Variants in RCBTB2 observed in about 807,000 individuals in gnomAD.
RCBTB2 encodes RCC1 and BTB domain containing protein 2, also known as RCC1 and BTB domain-containing protein 2.
Under a neutral mutation model 65.4 loss-of-function variants are expected in RCBTB2, and 55 were observed. The ratio of observed to expected loss-of-function variants is 0.84; its 90% CI spans 0.68 to 1.05. RCBTB2 has a LOEUF of 1.05. Among genes scored for constraint, RCBTB2 ranks in the 50% least tolerant of loss-of-function variants. RCBTB2 has a pLI of 0.00. For missense variants in RCBTB2, 599 were observed against 680.1 expected, an observed-to-expected ratio of 0.88 and a Z score of 1.33; for synonymous variants, 220 against 255.2, an observed-to-expected ratio of 0.86 and a Z score of 1.31.
At chr13:48,508,520 C>T (rs941163235) in intron 10 of RCBTB2, among the ~76,000 whole-genome samples, 12 of 151,930 alleles carry the variant, frequency 7.9e-5, no homozygotes, top group Non-Finnish European at 1.2e-4. Context: ...TCTCGTGCCT[C>T]AGCCTCCCAA....
At chr13:48,510,968 C>T (rs1009586292) in intron 9 of RCBTB2, among the ~76,000 whole-genome samples, 197 bp from the exon 10 acceptor site, 4 of 152,136 alleles carry the variant, frequency 2.6e-5, no homozygotes, top group African/African-American at 4.8e-5. Flanking sequence ...AGTACCCTGG[C>T]GTGAGCACCT....
upstream of RCBTB2, among the ~76,000 whole-genome samples, chr13:48,534,269 T>G (rs1238831355): frequency 6.6e-6 from 1 of 152,198 alleles, no homozygotes; most frequent in African/African-American, 2.4e-5. Context: ...ATGAAAGAAA[T>G]TTATGAGTTA....
At chr13:48,531,644 G>A (rs1302582022) in intron 1 of RCBTB2, among the ~76,000 whole-genome samples, 2 of 152,156 alleles carry the variant, frequency 1.3e-5, no homozygotes, top group East Asian at 3.8e-4. Flanking sequence ...GGTGGAAGTG[G>A]GGTATGCAAG....
In RCBTB2 at chr13:48,515,210, G is replaced by A; in HGVS notation, c.344C>T (p.Thr115Ile). The part of the protein sequence containing the change: ...YGSGPHIVLA[T>I]TEGEVFTWGH... ...ACATGGGGTTCCTAGGTTACCTGTT[G>A]TTGCAAGGACAATATGTGGACCACT... Residue 115 changes from threonine to isoleucine, a missense_variant, in exon 6 of 15, where the codon ACA becomes ATA. Thr to Ile is a moderately conservative substitution (Grantham distance 89). Transcript: ENST00000344532. 1 of 1,611,732 alleles carries A rather than the reference G, an allele frequency of 6.2e-7. No individual in the cohort carries two copies. The highest frequency in any genetic ancestry group is 8.5e-7 in the Non-Finnish European group (1 of 1,179,264).
chr13:48,516,565 T>A (rs1951103034), intron 4 of RCBTB2, among the ~76,000 whole-genome samples: 1 of 152,148 alleles, frequency 6.6e-6, no homozygotes, highest in African/African-American at 2.4e-5. Context: ...GCATCTAAAT[T>A]TCCCCTTTTT....
At chr13:48,522,237 A>T in intron 3 of RCBTB2, 71 bp downstream of exon 3, 1 of 1,029,824 alleles carries the variant, frequency 9.7e-7, no homozygotes, top group Non-Finnish European at 1.5e-6. Flanking sequence ...CCTTAACTCT[A>T]TAAAGGAAAT....
intron 1 of RCBTB2, among the ~76,000 whole-genome samples, chr13:48,526,996 T>C (rs2138642020): frequency 6.6e-6 from 1 of 152,236 alleles, no homozygotes; most frequent in East Asian, 1.9e-4. Context: ...TATACTATTG[T>C]ACCTGTAAGA....
Position 48,489,976 on chromosome 13 carries a change from C to T in RCBTB2, c.*135G>A. 1 of 942,740 alleles carries T rather than the reference C, an allele frequency of 1.1e-6. No homozygotes were observed. The highest frequency in any genetic ancestry group is 1.7e-6 in the Non-Finnish European group (1 of 598,748). The allele number at this position is 942,740 out of a possible 1,614,324, so 58.4% of individuals were successfully genotyped here. On this transcript the variant is annotated 3_prime_UTR_variant, in exon 15 of 15. Coordinates refer to ENST00000344532, the MANE Select transcript of RCBTB2 (RefSeq NM_001268.4). ...TTAGGCAGACAAAGACCACTCACCA[C>T]CATCCTTCTTCTGACAGTTACAAGT... is the stretch of plus-strand genomic sequence containing the variant.
In RCBTB2 at chr13:48,496,216, G is replaced by A. The variant is rs373552083; in HGVS notation, c.1490C>T (p.Ser497Leu). 11 of 1,564,074 alleles carry A rather than the reference G, an allele frequency of 7.0e-6. No individual in the cohort carries two copies. The highest frequency in any genetic ancestry group is 4.1e-5 in the African/African-American group (3 of 72,834). Residue 497 changes from serine (S) to leucine (L), a missense_variant, in exon 14 of 15, where the codon TCG becomes TTG. Ser to Leu is a moderately radical substitution (Grantham distance 145, BLOSUM62 -2). Coordinates refer to ENST00000344532, the MANE Select transcript of RCBTB2 (RefSeq NM_001268.4). Reference sequence around the variant, plus strand: ...CTGTGCATCATACTTCACCGCAGCCGAGAGCAGAGCGATGGCATTCTCCTC... The same window carrying A: ...CTGTGCATCATACTTCACCGCAGCCAAGAGCAGAGCGATGGCATTCTCCTC... ...ICEENAIALL[S>L]AAVKYDAQDL...
chr13:48,533,191 CAA>C, upstream of RCBTB2: 8 of 354,804 alleles, frequency 2.3e-5, no homozygotes, highest in South Asian at 1.6e-4. Context: ...GGAGCGCAGA[CAA>C]GAGGAGGGGG....
intron 11 of RCBTB2, 138 bp from the exon 12 acceptor site, chr13:48,502,006 T>C (rs1337035810): frequency 1.7e-6 from 1 of 592,132 alleles, no homozygotes. Flanking sequence ...AATGGATTTT[T>C]TCCCCTGAAG....
intron 14 of RCBTB2, among the ~76,000 whole-genome samples, chr13:48,493,303 A>ACTCT (rs1949799354): frequency 1.5e-5 from 1 of 67,456 alleles, no homozygotes; most frequent in Non-Finnish European, 3.0e-5. Context: ...ACACACACAC[A>ACTCT]CACACACACA....
chr13:48,495,648 C>A (rs948366266), intron 14 of RCBTB2, among the ~76,000 whole-genome samples: 1 of 152,144 alleles, frequency 6.6e-6, no homozygotes, highest in Admixed American at 6.5e-5. Context: ...CATATTATAC[C>A]AAATTGTTCT....
intron 10 of RCBTB2, among the ~76,000 whole-genome samples, chr13:48,510,247 C>A (rs895801113): frequency 5.3e-5 from 8 of 152,154 alleles, no homozygotes; most frequent in Non-Finnish European, 8.8e-5. Context: ...ATGCAAGGTA[C>A]CTTTTCCTAA....
intron 1 of RCBTB2, among the ~76,000 whole-genome samples, chr13:48,527,361 T>TATATATATGATATA: frequency 1.8e-5 from 2 of 112,446 alleles, no homozygotes; most frequent in African/African-American, 1.1e-4. Context: ...TGATATATAT[T>TATATATATGATATA]TATATATGAT....
intron 11 of RCBTB2, among the ~76,000 whole-genome samples, chr13:48,502,457 C>T (rs1950280300): frequency 6.6e-6 from 1 of 151,620 alleles, no homozygotes; most frequent in Admixed American, 6.6e-5. Context: ...TGCACCACCG[C>T]ACTCCAGCCT....
intron 10 of RCBTB2, among the ~76,000 whole-genome samples, chr13:48,508,807 C>T (rs1950633617): frequency 1.3e-5 from 2 of 152,232 alleles, no homozygotes; most frequent in Admixed American, 1.3e-4. Context: ...GGCACTCACA[C>T]AGCTTCCATT....
intron 10 of RCBTB2, among the ~76,000 whole-genome samples, chr13:48,508,283 A>T (rs867314831): frequency 3.3e-5 from 5 of 152,306 alleles, no homozygotes; most frequent in Admixed American, 1.3e-4. Context: ...CAGACCTATA[A>T]ACCCCTCCCT....
At chr13:48,522,650 G>C (rs1405763077) in intron 2 of RCBTB2, among the ~76,000 whole-genome samples, 1 of 152,152 alleles carries the variant, frequency 6.6e-6, no homozygotes, top group East Asian at 1.9e-4. Flanking sequence ...TCATTATGTA[G>C]TTAACGATTT....
Sources: gnomAD v4.1 joint callset for allele counts (sites outside exome capture counted in the v4.1 genomes callset) on GRCh38, gnomAD v4.1.1 for gene constraint, MANE v1.5 for transcripts, NCBI Gene and HGNC (gene_info 2026-07-23, HGNC 2026-07-21) for gene names.